The following ZMAT4 variants were observed in gnomAD, a reference collection of about 807,000 sequenced individuals.
ZMAT4 encodes zinc finger matrin-type 4.
Under a neutral mutation model 28.7 loss-of-function variants are expected in ZMAT4, and 17 were observed. The observed-to-expected ratio is 0.59, with a 90% CI of 0.41 to 0.89. ZMAT4 has a LOEUF of 0.89. Among genes scored for constraint, ZMAT4 ranks in the 40% least tolerant of loss-of-function variants. The probability of loss-of-function intolerance (pLI) is 0.00; values close to 1 mark genes in which losing one functional copy is unlikely to be tolerated. For missense variants in ZMAT4, 240 were observed against 283.8 expected (o/e 0.85, Z 1.11); for synonymous variants, 117 against 109.2 (o/e 1.07, Z -0.44).
At position 40,794,816 on chromosome 8, in the gene ZMAT4, G is replaced by A. The variant is rs529865922; in HGVS notation, c.103-27086C>T. On this transcript the variant is annotated intron_variant, in intron 2 of 6. Transcript: ENST00000297737. ...GGGACACAAACGGCCAGCTGTCATCGTCAAGGGGTTGTGCTTTTGTGTGGC... is the reference window on the plus strand; with the variant it reads ...GGGACACAAACGGCCAGCTGTCATCATCAAGGGGTTGTGCTTTTGTGTGGC... Among the ~76,000 whole-genome samples, 334 of 151,874 alleles carry A rather than the reference G, an allele frequency of 2.2e-3. 1 individual carries two copies. Among genetic ancestry groups the A allele is most frequent in the Non-Finnish European group, 3.5e-3 (237 of 67,968 alleles).
At chr8:40,825,802 T>A in intron 1 of ZMAT4, 122 bp from the exon 2 acceptor site, 1 of 694,156 alleles carries the variant, frequency 1.4e-6, no homozygotes, top group Non-Finnish European at 2.4e-6. Context: ...GAGGGGTGGA[T>A]CTCCCTACAC....
At chr8:40,664,890 CTT>C (rs1215835745) in intron 5 of ZMAT4, among the ~76,000 whole-genome samples, 1 of 152,210 alleles carries the variant, frequency 6.6e-6, no homozygotes, top group Non-Finnish European at 1.5e-5. Context: ...GCACAGGTAA[CTT>C]GGGTACCTGA....
At chr8:40,628,750 C>T (rs780548350) in intron 5 of ZMAT4, among the ~76,000 whole-genome samples, 1 of 152,086 alleles carries the variant, frequency 6.6e-6, no homozygotes, top group Non-Finnish European at 1.5e-5. Context: ...TCTGAAATGG[C>T]ATAAAGTAGA....
intron 5 of ZMAT4, among the ~76,000 whole-genome samples, chr8:40,595,295 T>C (rs1358700789): frequency 6.6e-6 from 1 of 152,166 alleles, no homozygotes; most frequent in Non-Finnish European, 1.5e-5. Context: ...CAGTAGACTC[T>C]GATGCACCCA....
At chr8:40,891,114 C>T in intron 1 of ZMAT4, among the ~76,000 whole-genome samples, 1 of 147,614 alleles carries the variant, frequency 6.8e-6, no homozygotes, top group Non-Finnish European at 1.5e-5. Flanking sequence ...GGGAGGATTG[C>T]TTGAGGCCAG....
chr8:40,603,400 T>G (rs1805464385), intron 5 of ZMAT4, among the ~76,000 whole-genome samples: 1 of 152,214 alleles, frequency 6.6e-6, no homozygotes, highest in African/African-American at 2.4e-5. Flanking sequence ...TTGCTTTGGC[T>G]ATGCGGACTC....
intron 4 of ZMAT4, among the ~76,000 whole-genome samples, chr8:40,696,668 A>G (rs1222306941): frequency 6.6e-6 from 1 of 152,186 alleles, no homozygotes; most frequent in African/African-American, 2.4e-5. Context: ...GGCTTGAATC[A>G]CAGGATCTCC....
chr8:40,890,915 T>A (rs1345635606), intron 1 of ZMAT4, among the ~76,000 whole-genome samples: 2 of 151,908 alleles, frequency 1.3e-5, no homozygotes, highest in African/African-American at 4.8e-5. Context: ...CATTCAGGTG[T>A]TCCTCACTCC....
chr8:40,863,115 C>G (rs944552618), intron 1 of ZMAT4, among the ~76,000 whole-genome samples: 7 of 152,004 alleles, frequency 4.6e-5, no homozygotes, highest in African/African-American at 1.7e-4. Context: ...AGACCGGAGG[C>G]TGGAATAGCA....
chr8:40,824,096 T>C (rs1315709229), intron 2 of ZMAT4, among the ~76,000 whole-genome samples: 3 of 152,132 alleles, frequency 2.0e-5, no homozygotes, highest in Admixed American at 6.5e-5. Flanking sequence ...GTTATTATAG[T>C]TATTTTTATT....
intron 4 of ZMAT4, among the ~76,000 whole-genome samples, chr8:40,683,861 T>C (rs1245440872): frequency 6.6e-6 from 1 of 152,070 alleles, no homozygotes; most frequent in Non-Finnish European, 1.5e-5. Context: ...GCCCAGGAGT[T>C]TGGAACCATC....
At position 40,807,573 on chromosome 8, in the gene ZMAT4, T is replaced by C. The variant is rs79291913; in HGVS notation, c.102+18002A>G. On this transcript the variant is annotated intron_variant, in intron 2 of 6. Coordinates refer to ENST00000297737, the MANE Select transcript of ZMAT4 (RefSeq NM_024645.3). ...GATCTTACAAGCCGGCATGGCTCTTTATTTTTATGAAACAGACTATGTACC... is the reference window on the plus strand; with the variant it reads ...GATCTTACAAGCCGGCATGGCTCTTCATTTTTATGAAACAGACTATGTACC... Among the ~76,000 whole-genome samples the C allele has an allele frequency of 9.2e-3, 1,399 of 152,342 alleles. 23 individuals are homozygous for C. The highest frequency in any genetic ancestry group is 0.032 in the African/African-American group (1,350 of 41,580).
chr8:40,678,443 C>T (rs773908740), intron 4 of ZMAT4, among the ~76,000 whole-genome samples: 1 of 152,196 alleles, frequency 6.6e-6, no homozygotes, highest in Non-Finnish European at 1.5e-5. Context: ...TTGCCCAAGG[C>T]CATGACCAGA....
At position 40,767,733 on chromosome 8, in the gene ZMAT4, G is replaced by A; in HGVS notation, c.103-3C>T. The stretch of plus-strand genomic sequence containing the variant: ...ACTTTGCTTGCATGTTTTCGACTCT[G>A]GGAAGGAAAAGCATAAGCAGATACT... On this transcript the variant is annotated splice_polypyrimidine_tract_variant and splice_region_variant and intron_variant, in intron 2 of 6. Transcript: ENST00000297737. 2 of 1,610,748 alleles carry A rather than the reference G, an allele frequency of 1.2e-6. No individual in the cohort carries two copies. The highest frequency in any genetic ancestry group is 1.7e-6 in the Non-Finnish European group (2 of 1,178,808).
intron 5 of ZMAT4, among the ~76,000 whole-genome samples, chr8:40,608,330 A>G (rs1306829214): frequency 1.3e-5 from 2 of 152,110 alleles, no homozygotes. Flanking sequence ...CCTCTGCTGC[A>G]TCATCTAGGT....
At chr8:40,890,699 T>C (rs534009874) in intron 1 of ZMAT4, among the ~76,000 whole-genome samples, 1 of 152,178 alleles carries the variant, frequency 6.6e-6, no homozygotes, top group Non-Finnish European at 1.5e-5. Flanking sequence ...CATGTGGCAG[T>C]GGCCCCTCCC....
intron 1 of ZMAT4, among the ~76,000 whole-genome samples, chr8:40,864,144 G>C (rs1817597286): frequency 6.6e-6 from 1 of 152,346 alleles, no homozygotes; most frequent in East Asian, 1.9e-4. Flanking sequence ...CCAGAGGTGG[G>C]TGTTCCCGGG....
chr8:40,847,215 A>C (rs1164464004), intron 1 of ZMAT4, among the ~76,000 whole-genome samples: 7 of 94,496 alleles, frequency 7.4e-5, no homozygotes, highest in Admixed American at 5.3e-4. Flanking sequence ...AAAAACAAAC[A>C]AACAAAAAAA....
chr8:40,858,985 C>T (rs1817396398), intron 1 of ZMAT4, among the ~76,000 whole-genome samples: 1 of 152,202 alleles, frequency 6.6e-6, no homozygotes, highest in African/African-American at 2.4e-5. Context: ...TTGCACCTAA[C>T]TAAACTGAGG....
Sources: gnomAD v4.1 joint callset for allele counts (sites outside exome capture counted in the v4.1 genomes callset) on GRCh38, gnomAD v4.1.1 for gene constraint, MANE v1.5 for transcripts, NCBI Gene and HGNC (gene_info 2026-07-23, HGNC 2026-07-21) for gene names.